The following ADGRB3 variants were observed in gnomAD, a reference collection of about 807,000 sequenced individuals.
ADGRB3 encodes adhesion G protein-coupled receptor B3, also known as brain-specific angiogenesis inhibitor 3.
Under a neutral mutation model 193.4 loss-of-function variants are expected in ADGRB3, and 37 were observed. The ratio of observed to expected loss-of-function variants is 0.19; its 90% CI spans 0.15 to 0.25. The LOEUF is 0.25. Ranked by LOEUF, ADGRB3 falls within the 10% of genes least tolerant of loss-of-function variation. The pLI is 1.00. For missense variants in ADGRB3, 1,637 were observed against 1,852.9 expected, an observed-to-expected ratio of 0.88 and a Z score of 2.14; for synonymous variants, 690 against 644.2, an observed-to-expected ratio of 1.07 and a Z score of -1.08.
intron 13 of ADGRB3, among the ~76,000 whole-genome samples, chr6:69,038,862 C>T (rs1457317225): frequency 2.0e-5 from 3 of 152,144 alleles, no homozygotes; most frequent in Non-Finnish European, 4.4e-5. Context: ...TAAGGTTTTG[C>T]TTTACCTGGT....
At chr6:69,229,837 T>C (rs1256758505) in intron 17 of ADGRB3, among the ~76,000 whole-genome samples, 2 of 152,142 alleles carry the variant, frequency 1.3e-5, no homozygotes, top group East Asian at 1.9e-4. Flanking sequence ...AAAGAAACCA[T>C]GTAGACTCCT....
At chr6:69,305,203 A>G (rs562331329) in intron 20 of ADGRB3, among the ~76,000 whole-genome samples, 1 of 151,696 alleles carries the variant, frequency 6.6e-6, no homozygotes, top group Admixed American at 6.6e-5. Flanking sequence ...TTTATTATTG[A>G]AAATGTAATT....
At chr6:68,965,200 T>C (rs1046738379) in intron 8 of ADGRB3, among the ~76,000 whole-genome samples, 12 of 152,186 alleles carry the variant, frequency 7.9e-5, no homozygotes, top group African/African-American at 2.9e-4. Flanking sequence ...ATTTCCTATA[T>C]GAGGAATGCT....
In ADGRB3 at chr6:68,815,568, A is replaced by G. The variant is rs530138377; in HGVS notation, c.758-114991A>G. ...TTTAGTAGTGAACATTCAACTTTCAAGATAACCAGAGTAATTTGATTTGAC... is the reference window on the plus strand; with the variant it reads ...TTTAGTAGTGAACATTCAACTTTCAGGATAACCAGAGTAATTTGATTTGAC... On this transcript the variant is annotated intron_variant, in intron 3 of 31. Transcript: ENST00000370598. 1.5e-4 allele frequency among the ~76,000 whole-genome samples: 23 copies of G among 151,782 alleles called. No individual in the cohort carries two copies. In the East Asian group the frequency reaches 1.9e-3, roughly 13 times the overall value.
chr6:69,028,390 A>T (rs1355096777), intron 13 of ADGRB3, among the ~76,000 whole-genome samples: 1 of 152,178 alleles, frequency 6.6e-6, no homozygotes, highest in Non-Finnish European at 1.5e-5. Flanking sequence ...ATACCATAGA[A>T]GTTTCTTATC....
intron 26 of ADGRB3, among the ~76,000 whole-genome samples, chr6:69,343,504 AG>A (rs1331413947): frequency 6.6e-6 from 1 of 152,124 alleles, no homozygotes; most frequent in African/African-American, 2.4e-5. Flanking sequence ...TCAAATCAGA[AG>A]AAAAGGGAGA....
chr6:69,149,924 CTGTGTG>C (rs1167142377), intron 17 of ADGRB3, among the ~76,000 whole-genome samples: 10,241 of 128,818 alleles, frequency 0.079, 420 homozygotes, highest in Admixed American at 0.12. Context: ...GTCTGTCTTT[CTGTGTG>C]TGTGTGTGTG....
At chr6:69,073,364 C>T (rs558732635) in intron 16 of ADGRB3, among the ~76,000 whole-genome samples, 1 of 152,092 alleles carries the variant, frequency 6.6e-6, no homozygotes, top group Non-Finnish European at 1.5e-5. Flanking sequence ...CCTGAGAATC[C>T]ACCCAAGTGC....
At chr6:69,164,983 C>T (rs1474927236) in intron 17 of ADGRB3, among the ~76,000 whole-genome samples, 1 of 151,872 alleles carries the variant, frequency 6.6e-6, no homozygotes, top group Non-Finnish European at 1.5e-5. Context: ...TTTCTATGCC[C>T]CACCCCTCCT....
At chr6:68,916,163 G>T (rs2150239930) in intron 3 of ADGRB3, among the ~76,000 whole-genome samples, 1 of 151,854 alleles carries the variant, frequency 6.6e-6, no homozygotes, top group East Asian at 1.9e-4. Flanking sequence ...GAATAAGAAA[G>T]AATGAATAAG....
At chr6:69,148,416 A>G (rs1774568671) in intron 17 of ADGRB3, among the ~76,000 whole-genome samples, 1 of 152,148 alleles carries the variant, frequency 6.6e-6, no homozygotes, top group African/African-American at 2.4e-5. Context: ...AGAAAACACT[A>G]ATAAAAACTC....
intron 17 of ADGRB3, among the ~76,000 whole-genome samples, chr6:69,171,561 A>G (rs1389731786): frequency 6.6e-6 from 1 of 152,168 alleles, no homozygotes; most frequent in African/African-American, 2.4e-5. Flanking sequence ...TCCCTTGGGT[A>G]TAGTTGTTGA....
At chr6:69,253,745 T>C (rs1291766281) in intron 20 of ADGRB3, among the ~76,000 whole-genome samples, 1 of 152,124 alleles carries the variant, frequency 6.6e-6, no homozygotes, top group Non-Finnish European at 1.5e-5. Context: ...ATATGTTTTC[T>C]AAAGCAGAGT....
At chr6:68,786,456 A>T (rs1196034012) in intron 3 of ADGRB3, among the ~76,000 whole-genome samples, 1 of 152,148 alleles carries the variant, frequency 6.6e-6, no homozygotes, top group Non-Finnish European at 1.5e-5. Flanking sequence ...CAAAGATCAG[A>T]TAGTTGTAGA....
chr6:68,807,567 T>C (rs978134898), intron 3 of ADGRB3, among the ~76,000 whole-genome samples: 3 of 151,986 alleles, frequency 2.0e-5, no homozygotes, highest in Non-Finnish European at 4.4e-5. Context: ...AACACGACAG[T>C]GATGAGTGAT....
At chr6:68,837,476 C>G (rs147796744) in intron 3 of ADGRB3, among the ~76,000 whole-genome samples, 2 of 152,048 alleles carry the variant, frequency 1.3e-5, no homozygotes, top group African/African-American at 4.8e-5. Flanking sequence ...TGGAAAAATT[C>G]ATTTGCCATT....
At chr6:68,786,407 G>C (rs1384554714) in intron 3 of ADGRB3, among the ~76,000 whole-genome samples, 1 of 152,198 alleles carries the variant, frequency 6.6e-6, no homozygotes, top group Non-Finnish European at 1.5e-5. Context: ...TTATTAAATA[G>C]GGAATCCTTT....
intron 3 of ADGRB3, among the ~76,000 whole-genome samples, chr6:68,776,320 G>C (rs536593070): frequency 6.6e-6 from 1 of 152,102 alleles, no homozygotes; most frequent in Non-Finnish European, 1.5e-5. Flanking sequence ...AGACATAGAC[G>C]TAGACAACTG....
intron 5 of ADGRB3, among the ~76,000 whole-genome samples, chr6:68,937,751 A>G (rs139073584): frequency 3.1e-3 from 476 of 152,288 alleles, no homozygotes; most frequent in African/African-American, 0.011. Flanking sequence ...TTCCAGCAGA[A>G]TATGCAAAGG....
Sources: gnomAD v4.1 joint callset for allele counts (sites outside exome capture counted in the v4.1 genomes callset) on GRCh38, gnomAD v4.1.1 for gene constraint, MANE v1.5 for transcripts, NCBI Gene and HGNC (gene_info 2026-07-23, HGNC 2026-07-21) for gene names.